Variants in TRPV3 observed in about 807,000 individuals in gnomAD.
The protein encoded by TRPV3 is transient receptor potential cation channel subfamily V member 3.
In TRPV3, 88 loss-of-function variants were observed where a neutral mutation model predicts 87.1. The observed-to-expected ratio is 1.01, with a 90% CI of 0.85 to 1.21. The LOEUF (loss-of-function observed/expected upper bound fraction) is 1.21, where lower values mean the gene tolerates loss of function less well. Among genes scored for constraint, TRPV3 ranks in the 50% most tolerant of loss-of-function variants. The pLI, the probability that TRPV3 is intolerant of heterozygous loss-of-function variation, is 0.00. For missense variants in TRPV3, 1,054 were observed against 1,030.1 expected (o/e 1.02, Z -0.32); for synonymous variants, 438 against 423.3 (o/e 1.03, Z -0.43).
intron 2 of TRPV3, among the ~76,000 whole-genome samples, chr17:3,550,813 C>T (rs932099736): frequency 6.6e-5 from 10 of 151,486 alleles, no homozygotes; most frequent in Non-Finnish European, 1.0e-4. Flanking sequence ...CATGAGCCAC[C>T]GCACCCGGCC....
At chr17:3,543,714 C>A (rs185103895) in intron 4 of TRPV3, 86 bp from the exon 5 acceptor site, 2 of 1,545,150 alleles carry the variant, frequency 1.3e-6, no homozygotes, top group African/African-American at 1.4e-5. Flanking sequence ...GCCTACGGGG[C>A]GCTGCAGCTG....
intron 12 of TRPV3, among the ~76,000 whole-genome samples, chr17:3,525,946 C>T (rs1378406686): frequency 6.6e-6 from 1 of 152,066 alleles, no homozygotes; most frequent in African/African-American, 2.4e-5. Context: ...TATAATATAT[C>T]GCAAACATAC....
intron 15 of TRPV3, among the ~76,000 whole-genome samples, chr17:3,516,917 G>A (rs1486397807): frequency 2.0e-5 from 3 of 152,134 alleles, no homozygotes; most frequent in Admixed American, 6.5e-5. Context: ...AGGCCAAGGC[G>A]GGTGGATCAC....
Position 3,524,346 on chromosome 17 carries a change from A to G in TRPV3, c.1595T>C (p.Leu532Pro). 1 of 1,614,262 alleles carries G rather than the reference A, an allele frequency of 6.2e-7. No homozygotes were observed. The highest frequency in any genetic ancestry group is 1.3e-5 in the African/African-American group (1 of 75,072). Residue 532 changes from leucine to proline, a missense_variant, in exon 13 of 18, where the codon CTT (leucine) becomes CCT (proline). Coordinates refer to ENST00000576742, the MANE Select transcript of TRPV3 (RefSeq NM_145068.4). ...FHFVFFIQAV[L>P]VILSVFLYLF... ...GTACAAGAAGACAGACAGTATCACA[A>G]GCACAGCTTGGATAAAACTGTTCAG...
chr17:3,525,008 G>A (rs71360946), intron 12 of TRPV3, among the ~76,000 whole-genome samples: 83 of 152,110 alleles, frequency 5.5e-4, no homozygotes, highest in Non-Finnish European at 9.3e-4. Flanking sequence ...TTTTTAAATC[G>A]TGGTGTTTTT....
In TRPV3 at chr17:3,513,860, G is replaced by A; in HGVS notation, c.*57C>T. Reference sequence around the variant, plus strand: ...CTCAAAGCCTCTCTGCACAGAGTCGGTGACTCCGCCTGCAGCGCCAGACAG... The same window carrying A: ...CTCAAAGCCTCTCTGCACAGAGTCGATGACTCCGCCTGCAGCGCCAGACAG... On this transcript the variant is annotated 3_prime_UTR_variant, in exon 18 of 18. Coordinates refer to ENST00000576742, the MANE Select transcript of TRPV3 (RefSeq NM_145068.4). The A allele has an allele frequency of 6.8e-7, 1 of 1,469,994 alleles. No individual in the cohort carries two copies. Among genetic ancestry groups the A allele is most frequent in the East Asian group, 2.3e-5 (1 of 44,136 alleles). 91.1% of individuals were successfully genotyped at this position (1,469,994 alleles called of 1,614,324 possible).
At chr17:3,546,684 A>G (rs1468061743) in intron 2 of TRPV3, 1 of 455,702 alleles carries the variant, frequency 2.2e-6, no homozygotes, top group South Asian at 1.6e-5. Flanking sequence ...GTCCAGATTC[A>G]AAGCTGGGCT....
intron 13 of TRPV3, 120 bp from the exon 14 acceptor site, chr17:3,521,159 T>G: frequency 2.3e-6 from 1 of 438,276 alleles, no homozygotes. Flanking sequence ...CTTGGGCCAC[T>G]CTCCCTTCCC....
chr17:3,515,284 T>A (rs529651508), intron 16 of TRPV3, among the ~76,000 whole-genome samples: 32 of 152,254 alleles, frequency 2.1e-4, no homozygotes, highest in African/African-American at 7.7e-4. Flanking sequence ...GAGAAGTGGG[T>A]TAAGGTATGG....
chr17:3,514,134 A>C, intron 17 of TRPV3, 123 bp from the exon 18 acceptor site: 1 of 802,746 alleles, frequency 1.2e-6, no homozygotes. Flanking sequence ...GCTGCAGTGC[A>C]GTGGTGTGAT....
chr17:3,551,940 T>G (rs766881256), intron 2 of TRPV3, among the ~76,000 whole-genome samples: 54 of 134,208 alleles, frequency 4.0e-4, no homozygotes, highest in Non-Finnish European at 7.3e-4. Context: ...TAGAGTGCAG[T>G]GGCACAATCT....
intron 2 of TRPV3, among the ~76,000 whole-genome samples, chr17:3,551,324 G>A (rs557099076): frequency 5.3e-4 from 80 of 152,308 alleles, no homozygotes; most frequent in Admixed American, 4.8e-3. Context: ...TCCTGCGCCC[G>A]CCCTACTGGT....
intron 4 of TRPV3, 62 bp from the exon 5 acceptor site, chr17:3,543,690 TC>T: frequency 6.3e-7 from 1 of 1,596,082 alleles, no homozygotes; most frequent in Non-Finnish European, 8.5e-7. Context: ...TCTCTCCTTT[TC>T]CCCGCCAGAG....
chr17:3,552,542 A>C (rs1169790214), intron 2 of TRPV3: 2 of 152,258 alleles, frequency 1.3e-5, no homozygotes, highest in Non-Finnish European at 2.9e-5. Context: ...TCCCCGACTC[A>C]GCTCTGAGGG....
At chr17:3,539,914 T>C (rs1428113609) in intron 6 of TRPV3, among the ~76,000 whole-genome samples, 1 of 151,816 alleles carries the variant, frequency 6.6e-6, no homozygotes, top group Non-Finnish European at 1.5e-5. Context: ...CCTTGCCCAG[T>C]GGGGAAACTG....
At chr17:3,534,441 G>T (rs1390295153) in intron 7 of TRPV3, among the ~76,000 whole-genome samples, 3 of 152,058 alleles carry the variant, frequency 2.0e-5, no homozygotes, top group Non-Finnish European at 4.4e-5. Flanking sequence ...AAACAGATGG[G>T]TGATCATCAG....
At chr17:3,524,452 C>T (rs1359998188) in intron 12 of TRPV3, 89 bp from the exon 13 acceptor site, 4 of 1,516,430 alleles carry the variant, frequency 2.6e-6, no homozygotes, top group Admixed American at 1.9e-5. Flanking sequence ...CCCTTAAACC[C>T]CCTGAACAGT....
intron 4 of TRPV3, 140 bp from the exon 5 acceptor site, chr17:3,543,768 G>A: frequency 6.0e-6 from 7 of 1,164,436 alleles, no homozygotes; most frequent in Non-Finnish European, 8.6e-6. Flanking sequence ...GCAAACTCCT[G>A]GGCTCTGTGT....
intron 2 of TRPV3, among the ~76,000 whole-genome samples, chr17:3,546,418 G>T (rs1409422985): frequency 6.9e-6 from 1 of 144,496 alleles, no homozygotes. Context: ...CTCCAGTCTG[G>T]GCGACAGAGC....
Sources: gnomAD v4.1 joint callset for allele counts (sites outside exome capture counted in the v4.1 genomes callset) on GRCh38, gnomAD v4.1.1 for gene constraint, MANE v1.5 for transcripts, NCBI Gene and HGNC (gene_info 2026-07-23, HGNC 2026-07-21) for gene names.